BRD1: variants seen among roughly 807,000 people sequenced by gnomAD.
BRD1 encodes bromodomain-containing protein 1.
BRD1 carries 24 observed loss-of-function variants against 107.7 expected under a neutral mutation model. That is an observed-to-expected ratio of 0.22 (90% confidence interval 0.16 to 0.31). The LOEUF is 0.31. BRD1 is among the 10% of genes least tolerant of loss of function. The pLI, the probability that BRD1 is intolerant of heterozygous loss-of-function variation, is 1.00. For synonymous variants in BRD1, 744 were observed against 686.1 expected (o/e 1.08, Z -1.32); for missense variants, 1,279 against 1,638.6 (o/e 0.78, Z 3.79).
intron 8 of BRD1, among the ~76,000 whole-genome samples, chr22:49,782,717 C>A (rs565283020): frequency 1.7e-4 from 23 of 135,992 alleles, no homozygotes; most frequent in Non-Finnish European, 2.1e-4. Context: ...AGGCCAGATG[C>A]CTGCACAAGA....
Position 49,810,692 on chromosome 22 carries a change from T to C in BRD1, c.1368-6332A>G, listed in dbSNP as rs553227951. 5.3e-5 allele frequency among the ~76,000 whole-genome samples: 8 copies of C among 152,242 alleles called. No homozygotes were observed. The Middle Eastern group carries it at 0.01, about 194-fold the overall frequency. The stretch of plus-strand genomic sequence containing the variant: ...AACAGACATTTCTCCAAAGAAAATA[T>C]GCAAATGGCCAGGCAACATCTTCAG... On this transcript the variant is annotated intron_variant, in intron 2 of 12. Coordinates refer to ENST00000404760, the MANE Select transcript of BRD1 (RefSeq NM_001304808.3).
At chr22:49,788,919 T>C (rs2059380422) in intron 7 of BRD1, among the ~76,000 whole-genome samples, 2 of 152,400 alleles carry the variant, frequency 1.3e-5, no homozygotes, top group South Asian at 2.1e-4. Context: ...GTTTGAAGTA[T>C]GTATGGTTAC....
intron 12 of BRD1, 43 bp from the exon 13 acceptor site, chr22:49,774,459 TGG>T: frequency 6.3e-7 from 1 of 1,581,248 alleles, no homozygotes. Context: ...TGCTTGCACA[TGG>T]TATTTCAGCA....
intron 2 of BRD1, among the ~76,000 whole-genome samples, chr22:49,814,081 A>C (rs555711522): frequency 4.3e-4 from 66 of 152,326 alleles, no homozygotes; most frequent in Middle Eastern, 3.4e-3. Context: ...GACTCGCTTC[A>C]AAACAATGGA....
intron 8 of BRD1, among the ~76,000 whole-genome samples, chr22:49,784,452 G>A (rs1046886777): frequency 2.6e-5 from 4 of 152,222 alleles, no homozygotes; most frequent in African/African-American, 7.2e-5. Flanking sequence ...AGGAAGCCAC[G>A]AGTCAGGGCC....
intron 11 of BRD1, 114 bp from the exon 12 acceptor site, chr22:49,775,859 C>CCCCCCCGCCCCG (rs2059083051): frequency 1.7e-5 from 20 of 1,144,910 alleles, no homozygotes; most frequent in East Asian, 1.0e-4. Context: ...CCTCCTCAGA[C>CCCCCCCGCCCCG]CACCCCCACG....
At chr22:49,816,577 A>G (rs1302570104) in intron 2 of BRD1, among the ~76,000 whole-genome samples, 1 of 152,228 alleles carries the variant, frequency 6.6e-6, no homozygotes, top group African/African-American at 2.4e-5. Context: ...TCCAGAGTCA[A>G]CATACTACCC....
intron 5 of BRD1, 89 bp from the exon 6 acceptor site, chr22:49,798,206 C>G (rs543133892): frequency 1.5e-6 from 2 of 1,312,770 alleles, no homozygotes; most frequent in Non-Finnish European, 2.1e-6. Flanking sequence ...ACCCACAAGC[C>G]CATCCTATCT....
At position 49,808,080 on chromosome 22, in the gene BRD1, G is replaced by A. The variant is rs116019482; in HGVS notation, c.1368-3720C>T. Among the ~76,000 whole-genome samples the A allele has an allele frequency of 9.3e-3, 1,415 of 152,188 alleles. 26 individuals carry two copies. Among genetic ancestry groups the A allele is most frequent in the African/African-American group, 0.033 (1,362 of 41,488 alleles). On this transcript the variant is annotated intron_variant, in intron 2 of 12. Transcript: ENST00000404760. Reference sequence around the variant, plus strand: ...AAACCCTGAACCCTTGCGCACCGCCGGCAAGAACGTAAAAAGGTGTAGCCG... The same window carrying A: ...AAACCCTGAACCCTTGCGCACCGCCAGCAAGAACGTAAAAAGGTGTAGCCG...
chr22:49,827,428 C>A (rs1246507056), intron 1 of BRD1, 69 bp downstream of exon 1: 1 of 145,818 alleles, frequency 6.9e-6, no homozygotes, highest in Non-Finnish European at 1.5e-5. Flanking sequence ...CGGGCCGAGG[C>A]GGCGGCGGCG....
chr22:49,801,726 A>G (rs1178507876), intron 3 of BRD1, among the ~76,000 whole-genome samples: 2 of 152,200 alleles, frequency 1.3e-5, no homozygotes, highest in African/African-American at 4.8e-5. Flanking sequence ...TTCTGCACAC[A>G]ACAGGACGTG....
In BRD1 at chr22:49,823,698, T is replaced by C; in HGVS notation, c.620A>G (p.Gln207Arg). Residue 207 changes from glutamine to arginine, a missense_variant, in exon 2 of 13, where the codon CAG becomes CGG. Gln to Arg is a conservative substitution (Grantham distance 43). Around this residue, in one of 7 missense-constraint regions of BRD1, gnomAD observed 158 missense variants for 310.2 expected, o/e 0.51. Coordinates refer to ENST00000404760, the MANE Select transcript of BRD1 (RefSeq NM_001304808.3). ...GGCGTCCTCGTCGATCAGAGACTGC[T>C]GCTCGCCCTGCTTCTGGTTCTCGCA... ...SHCENQKQGEQQSLIDEDAVC... is the reference protein window; with the variant it reads ...SHCENQKQGERQSLIDEDAVC... 1 of 1,613,884 alleles carries C rather than the reference T, an allele frequency of 6.2e-7. No individual in the cohort carries two copies.
chr22:49,789,668 A>AC (rs940081453), intron 7 of BRD1, among the ~76,000 whole-genome samples: 4 of 151,304 alleles, frequency 2.6e-5, no homozygotes, highest in Admixed American at 6.6e-5. Flanking sequence ...CCTCCGGGAG[A>AC]CCCCCCTTCC....
At chr22:49,811,844 C>T (rs1399303956) in intron 2 of BRD1, among the ~76,000 whole-genome samples, 1 of 152,216 alleles carries the variant, frequency 6.6e-6, no homozygotes, top group Admixed American at 6.5e-5. Context: ...GCCGGCGGTG[C>T]TGAGTCTCCC....
At chr22:49,822,898 C>A (rs893898522) in intron 2 of BRD1, 53 bp downstream of exon 2, 3 of 1,584,546 alleles carry the variant, frequency 1.9e-6, no homozygotes, top group Non-Finnish European at 2.6e-6. Context: ...CCACGTCCTC[C>A]CAGGGTCCCA....
intron 2 of BRD1, among the ~76,000 whole-genome samples, chr22:49,816,703 A>G (rs568332693): frequency 5.9e-5 from 9 of 152,350 alleles, no homozygotes; most frequent in African/African-American, 2.2e-4. Flanking sequence ...ATTCAAGATC[A>G]GCCTGGACAA....
chr22:49,820,059 G>C (rs911519689), intron 2 of BRD1, among the ~76,000 whole-genome samples: 1 of 152,016 alleles, frequency 6.6e-6, no homozygotes, highest in Admixed American at 6.5e-5. Context: ...GAACCCAGGA[G>C]GTGGAGGTTG....
At chr22:49,779,241 G>A (rs1330523434) in intron 8 of BRD1, among the ~76,000 whole-genome samples, 3 of 152,178 alleles carry the variant, frequency 2.0e-5, no homozygotes, top group Non-Finnish European at 4.4e-5. Flanking sequence ...TGGACTGCGG[G>A]ATTTTCCACC....
intron 2 of BRD1, among the ~76,000 whole-genome samples, chr22:49,809,812 C>T (rs1314925289): frequency 6.6e-6 from 1 of 152,116 alleles, no homozygotes; most frequent in Non-Finnish European, 1.5e-5. Context: ...AATGCAAAAC[C>T]TCCAGGAGCT....
Sources: gnomAD v4.1 joint callset for allele counts (sites outside exome capture counted in the v4.1 genomes callset) on GRCh38, gnomAD v4.1.1 for gene constraint, gnomAD v4.1.1 regional missense constraint, MANE v1.5 for transcripts, NCBI Gene and HGNC (gene_info 2026-07-23, HGNC 2026-07-21) for gene names.